The following SULT4A1 variants were observed in gnomAD, a reference collection of about 807,000 sequenced individuals.
SULT4A1 encodes the protein sulfotransferase 4A1.
Under a neutral mutation model 35.2 loss-of-function variants are expected in SULT4A1, and 11 were observed. That is an observed-to-expected ratio of 0.31 (90% CI 0.20 to 0.52). The LOEUF is 0.52. SULT4A1 is among the 20% of genes least tolerant of loss of function. The pLI, the probability that SULT4A1 is intolerant of heterozygous loss-of-function variation, is 0.97. For missense variants in SULT4A1, 271 were observed against 383.7 expected (o/e 0.71, Z 2.45); for synonymous variants, 152 against 151.8 (o/e 1.00, Z -0.01).
intron 3 of SULT4A1, among the ~76,000 whole-genome samples, chr22:43,839,583 G>A (rs1451528949): frequency 3.9e-5 from 6 of 152,250 alleles, no homozygotes; most frequent in South Asian, 2.1e-4. Flanking sequence ...CTAAGACTCC[G>A]TCTCAAAAAC....
intron 6 of SULT4A1, chr22:43,827,347 A>C: frequency 1.0e-6 from 1 of 985,464 alleles, no homozygotes; most frequent in Non-Finnish European, 1.2e-6. Flanking sequence ...TCTCTTTGGT[A>C]ACAAAAAATT....
At chr22:43,833,529 C>G in intron 5 of SULT4A1, 111 bp downstream of exon 5, 2 of 818,384 alleles carry the variant, frequency 2.4e-6, no homozygotes, top group Non-Finnish European at 3.9e-6. Flanking sequence ...TCTGTCCCTC[C>G]TCAGACCCCT....
intron 4 of SULT4A1, among the ~76,000 whole-genome samples, chr22:43,837,499 G>C (rs1370769477): frequency 6.6e-6 from 1 of 152,182 alleles, no homozygotes; most frequent in South Asian, 2.1e-4. Flanking sequence ...ACAAGAGCAG[G>C]TGCCAGGGCC....
intron 6 of SULT4A1, 62 bp downstream of exon 6, chr22:43,828,998 C>T: frequency 6.8e-7 from 1 of 1,462,512 alleles, no homozygotes; most frequent in Non-Finnish European, 9.1e-7. Flanking sequence ...CCTAAGCAGG[C>T]AGAGAAAGCA....
intron 1 of SULT4A1, among the ~76,000 whole-genome samples, chr22:43,853,527 T>C (rs1403848782): frequency 2.6e-5 from 4 of 152,158 alleles, no homozygotes; most frequent in African/African-American, 7.2e-5. Flanking sequence ...GCTGGGGTGA[T>C]GCCAGGCAGC....
chr22:43,852,771 T>C (rs188774068), intron 1 of SULT4A1, among the ~76,000 whole-genome samples: 1 of 150,142 alleles, frequency 6.7e-6, no homozygotes, highest in Non-Finnish European at 1.5e-5. Flanking sequence ...GGCTGGCAAC[T>C]AGATGGGGAA....
chr22:43,844,049 G>C (rs761099249), intron 1 of SULT4A1, among the ~76,000 whole-genome samples: 1 of 152,232 alleles, frequency 6.6e-6, no homozygotes, highest in Non-Finnish European at 1.5e-5. Context: ...CATCCAGCTG[G>C]TGCTGCTGCA....
intron 1 of SULT4A1, among the ~76,000 whole-genome samples, chr22:43,842,614 T>C (rs574589714): frequency 2.6e-5 from 4 of 152,194 alleles, no homozygotes; most frequent in African/African-American, 4.8e-5. Context: ...AGACACAGCA[T>C]GGCCAAGCCC....
chr22:43,844,569 A>C (rs552596190), intron 1 of SULT4A1, among the ~76,000 whole-genome samples: 3 of 152,154 alleles, frequency 2.0e-5, no homozygotes, highest in African/African-American at 7.2e-5. Context: ...TAGCTTCCCA[A>C]TGTTCACACA....
In SULT4A1 at chr22:43,825,851, A is replaced by G. The variant is rs2148273707; in HGVS notation, c.*150T>C. ...GCTGCTTTCGGTTGGGAATCATCAC[A>G]CTCCCTCCGCTCACGCCGCTCTTCC... On this transcript the variant is annotated 3_prime_UTR_variant, in exon 7 of 7. Coordinates refer to ENST00000330884, the MANE Select transcript of SULT4A1 (RefSeq NM_014351.4). The G allele has an allele frequency of 1.4e-6, 1 of 727,658 alleles. No homozygotes were observed. Among genetic ancestry groups the G allele is most frequent in the Non-Finnish European group, 2.3e-6 (1 of 444,386 alleles). The allele number at this position is 727,658 out of a possible 1,614,324, so 45.1% of individuals were successfully genotyped here. A position where few individuals can be genotyped will look rare whatever the true frequency, so the allele number is the denominator to read the frequency against.
chr22:43,860,752 C>G (rs2049457325), intron 1 of SULT4A1, among the ~76,000 whole-genome samples: 2 of 152,176 alleles, frequency 1.3e-5, no homozygotes, highest in Non-Finnish European at 2.9e-5. Flanking sequence ...CTCAAAATCC[C>G]TAAGTGGCTG....
In SULT4A1 at chr22:43,858,461, G is replaced by A. The variant is rs186013469; in HGVS notation, c.169+3753C>T. On this transcript the variant is annotated intron_variant, in intron 1 of 6. Coordinates refer to ENST00000330884, the MANE Select transcript of SULT4A1 (RefSeq NM_014351.4). ...AGCCTCCTGAGTATGTGTAACAGCC[G>A]GAAGACAAAGGGGAAGGGATGAGGG... Among the ~76,000 whole-genome samples, 71 of 152,236 alleles carry A rather than the reference G, an allele frequency of 4.7e-4. No homozygotes were observed. In the Middle Eastern group the frequency reaches 0.031, roughly 66 times the overall value.
At chr22:43,826,407 A>C in intron 6 of SULT4A1, 1 of 985,382 alleles carries the variant, frequency 1.0e-6, no homozygotes, top group Non-Finnish European at 1.2e-6. Context: ...GGGGCCCACC[A>C]GGGAGACTCT....
At position 43,825,353 on chromosome 22, in the gene SULT4A1, A is replaced by T. The variant is rs2063279452; in HGVS notation, c.*648T>A. Reference sequence around the variant, plus strand: ...TTGGGCCTTTGGAGCCGCCCGCTGGAAGTCTCTGGCAGAAGGACGTCCATT... The same window carrying T: ...TTGGGCCTTTGGAGCCGCCCGCTGGTAGTCTCTGGCAGAAGGACGTCCATT... On this transcript the variant is annotated 3_prime_UTR_variant, in exon 7 of 7. Transcript: ENST00000330884. 1.3e-5 allele frequency: 2 copies of T among 152,166 alleles called. No individual in the cohort carries two copies. The highest frequency in any genetic ancestry group is 2.9e-5 in the Non-Finnish European group (2 of 68,064). The allele number at this position is 152,166 out of a possible 1,614,324, so 9.4% of individuals were successfully genotyped here.
intron 1 of SULT4A1, among the ~76,000 whole-genome samples, chr22:43,860,004 C>T (rs187599326): frequency 2.6e-5 from 4 of 152,294 alleles, no homozygotes; most frequent in Non-Finnish European, 4.4e-5. Context: ...GAAAAAATAC[C>T]GGACAGGAAG....
At chr22:43,855,425 T>C (rs547162173) in intron 1 of SULT4A1, among the ~76,000 whole-genome samples, 17 of 152,250 alleles carry the variant, frequency 1.1e-4, no homozygotes, top group Admixed American at 4.6e-4. Context: ...CTGCCGCTGG[T>C]GGGGTCAACA....
intron 1 of SULT4A1, among the ~76,000 whole-genome samples, chr22:43,844,522 A>G (rs1219023953): frequency 6.6e-6 from 1 of 152,154 alleles, no homozygotes; most frequent in East Asian, 1.9e-4. Context: ...CACATTTCGC[A>G]CTCAGGTCCG....
At chr22:43,861,396 T>C (rs1214298225) in intron 1 of SULT4A1, among the ~76,000 whole-genome samples, 1 of 152,148 alleles carries the variant, frequency 6.6e-6, no homozygotes, top group East Asian at 1.9e-4. Flanking sequence ...CTACCTCCTT[T>C]CCCTAAAAAC....
intron 1 of SULT4A1, among the ~76,000 whole-genome samples, chr22:43,848,965 G>A (rs964722947): frequency 1.3e-5 from 2 of 152,248 alleles, no homozygotes; most frequent in African/African-American, 2.4e-5. Context: ...GTAATTCACA[G>A]AAGTGCTTCT....
Sources: gnomAD v4.1 joint callset for allele counts (sites outside exome capture counted in the v4.1 genomes callset) on GRCh38, gnomAD v4.1.1 for gene constraint, MANE v1.5 for transcripts, NCBI Gene and HGNC (gene_info 2026-07-23, HGNC 2026-07-21) for gene names.